The following UNC79 variants were observed in gnomAD, a reference collection of about 807,000 sequenced individuals.
The protein encoded by UNC79 is protein unc-79 homolog.
UNC79 carries 37 observed loss-of-function variants against 283.1 expected under a neutral mutation model. The observed-to-expected ratio is 0.13, with a 90% CI of 0.10 to 0.17. UNC79 has a LOEUF of 0.17. UNC79 is among the 10% of genes least tolerant of loss of function. The pLI is 1.00. For missense variants in UNC79, 2,272 were observed against 3,211.1 expected, an observed-to-expected ratio of 0.71 and a Z score of 7.07; for synonymous variants, 1,107 against 1,200.2, an observed-to-expected ratio of 0.92 and a Z score of 1.61.
At chr14:93,396,148 C>G in intron 1 of UNC79, among the ~76,000 whole-genome samples, 1 of 150,112 alleles carries the variant, frequency 6.7e-6, no homozygotes, top group East Asian at 2.0e-4. Flanking sequence ...TTTTTTTTTT[C>G]TGTCTGCTGA....
chr14:93,579,984 G>A (rs1438408813), intron 18 of UNC79, among the ~76,000 whole-genome samples, 165 bp from the exon 19 acceptor site: 1 of 152,114 alleles, frequency 6.6e-6, no homozygotes, highest in Non-Finnish European at 1.5e-5. Context: ...TATATTCATG[G>A]TCTTGAAGCC....
intron 48 of UNC79, 62 bp from the exon 52 acceptor site, chr14:93,706,642 C>T (rs1434242275): frequency 1.7e-5 from 27 of 1,589,692 alleles, no homozygotes; most frequent in Middle Eastern, 1.7e-4. Flanking sequence ...CCGCCCGGGT[C>T]GACACTCCCT....
At chr14:93,349,935 A>G (rs1318910558) in intron 1 of UNC79, among the ~76,000 whole-genome samples, 3 of 151,996 alleles carry the variant, frequency 2.0e-5, no homozygotes, top group African/African-American at 7.3e-5. Flanking sequence ...AACTGTTAAA[A>G]ATAAAAAAAA....
chr14:93,649,583 T>C (rs1339024257), intron 35 of UNC79, among the ~76,000 whole-genome samples: 1 of 152,168 alleles, frequency 6.6e-6, no homozygotes, highest in Non-Finnish European at 1.5e-5. Flanking sequence ...CCTCCAGCTT[T>C]ATTGAGGTAT....
chr14:93,605,029 G>A (rs1033339809), intron 26 of UNC79, 68 bp downstream of exon 27: 61 of 1,492,238 alleles, frequency 4.1e-5, no homozygotes, highest in East Asian at 7.4e-5. Flanking sequence ...TAGAGAATGC[G>A]GTGTCTCTAA....
chr14:93,477,839 A>G (rs1480344542), intron 4 of UNC79, 111 bp downstream of exon 4: 5 of 1,018,842 alleles, frequency 4.9e-6, no homozygotes, highest in Non-Finnish European at 7.1e-6. Flanking sequence ...ATCACTTGAT[A>G]TATACAGGAG....
At chr14:93,338,630 A>G (rs77375705) in intron 1 of UNC79, among the ~76,000 whole-genome samples, 11,208 of 152,212 alleles carry the variant, frequency 0.074, 876 homozygotes, top group African/African-American at 0.19. Flanking sequence ...TGAACGGCTG[A>G]GTGCAGTGGC....
intron 1 of UNC79, among the ~76,000 whole-genome samples, chr14:93,355,856 C>T (rs2054075991): frequency 6.6e-6 from 1 of 152,108 alleles, no homozygotes; most frequent in African/African-American, 2.4e-5. Context: ...TGCTTTTCTC[C>T]TTCTTCTCCA....
In UNC79 at chr14:93,593,825, A is replaced by C. The variant is rs749572989; in HGVS notation, c.3178A>C (p.Arg1060=). 6.8e-6 allele frequency: 11 copies of C among 1,613,392 alleles called. No individual in the cohort carries two copies. In the Admixed American group the frequency reaches 1.8e-4, roughly 27 times the overall value. ...TTTCAACAGCAAAGACTGGAAGATGAGGTTTGAAGCAGGTACCTCTGTGTT... is the reference window on the plus strand; with the variant it reads ...TTTCAACAGCAAAGACTGGAAGATGCGGTTTGAAGCAGGTACCTCTGTGTT... Residue 1060 remains arginine (R), a synonymous_variant, in exon 23 of 49, where the codon AGG becomes CGG. Transcript: ENST00000555664.
At chr14:93,440,779 A>G (rs2056272382) in intron 1 of UNC79, among the ~76,000 whole-genome samples, 1 of 152,002 alleles carries the variant, frequency 6.6e-6, no homozygotes, top group South Asian at 2.1e-4. Flanking sequence ...TTATTGCCTT[A>G]TGGTCTGAGG....
chr14:93,542,841 C>G, intron 14 of UNC79, 145 bp downstream of exon 14: 1 of 749,460 alleles, frequency 1.3e-6, no homozygotes, highest in Non-Finnish European at 2.2e-6. Flanking sequence ...AATTTAGTAA[C>G]TGTATCTTGG....
chr14:93,367,490 A>G (rs1228779033), intron 1 of UNC79, among the ~76,000 whole-genome samples: 1 of 152,214 alleles, frequency 6.6e-6, no homozygotes, highest in Non-Finnish European at 1.5e-5. Flanking sequence ...GTATTCCTTC[A>G]AAATTTAAGG....
chr14:93,394,428 T>G (rs2054950050), intron 1 of UNC79, among the ~76,000 whole-genome samples: 1 of 140,740 alleles, frequency 7.1e-6, no homozygotes, highest in Non-Finnish European at 1.6e-5. Flanking sequence ...TTATTTTTTT[T>G]GAGACATAGT....
At chr14:93,390,769 T>C (rs1156552588) in intron 1 of UNC79, among the ~76,000 whole-genome samples, 1 of 152,160 alleles carries the variant, frequency 6.6e-6, no homozygotes, top group East Asian at 1.9e-4. Context: ...ACTATACTTC[T>C]ATGGAGAACA....
intron 1 of UNC79, among the ~76,000 whole-genome samples, chr14:93,369,096 G>A (rs753300752): frequency 3.9e-5 from 6 of 152,196 alleles, no homozygotes; most frequent in African/African-American, 1.2e-4. Context: ...GGAGGAAGAC[G>A]AGGCAATGAT....
intron 1 of UNC79, among the ~76,000 whole-genome samples, chr14:93,420,930 C>T (rs975758007): frequency 6.6e-6 from 1 of 151,476 alleles, no homozygotes; most frequent in African/African-American, 2.4e-5. Flanking sequence ...CACAACATAC[C>T]AAAACCTATG....
chr14:93,587,370 C>G (rs531460593), intron 22 of UNC79, among the ~76,000 whole-genome samples: 2 of 152,210 alleles, frequency 1.3e-5, no homozygotes, highest in Middle Eastern at 6.8e-3. Flanking sequence ...AAACGTTACC[C>G]TAGATTTACA....
At chr14:93,538,504 C>T (rs146894760) in intron 12 of UNC79, among the ~76,000 whole-genome samples, 5 of 152,236 alleles carry the variant, frequency 3.3e-5, no homozygotes, top group Admixed American at 3.3e-4. Flanking sequence ...AAAACATAAG[C>T]ACGTCATTGT....
intron 1 of UNC79, among the ~76,000 whole-genome samples, chr14:93,408,898 A>G (rs2055281227): frequency 6.6e-6 from 1 of 152,204 alleles, no homozygotes; most frequent in African/African-American, 2.4e-5. Context: ...CTTTATCACT[A>G]AAAACTCTTA....
Sources: gnomAD v4.1 joint callset for allele counts (sites outside exome capture counted in the v4.1 genomes callset) on GRCh38, gnomAD v4.1.1 for gene constraint, MANE v1.5 for transcripts, NCBI Gene and HGNC (gene_info 2026-07-23, HGNC 2026-07-21) for gene names.